RBFOX1: variants seen among roughly 807,000 people sequenced by gnomAD.
RBFOX1 encodes RNA binding fox-1 homolog 1.
In RBFOX1, 8 loss-of-function variants were observed where a neutral mutation model predicts 57.7. That is an observed-to-expected ratio of 0.14 (90% confidence interval 0.08 to 0.25). The LOEUF (loss-of-function observed/expected upper bound fraction) is 0.25, where lower values mean the gene tolerates loss of function less well. RBFOX1 is among the 10% of genes least tolerant of loss of function. The pLI is 1.00. For synonymous variants in RBFOX1, 326 were observed against 222.4 expected (o/e 1.47, Z -4.15); for missense variants, 611 against 548.5 (o/e 1.11, Z -1.14).
At chr16:6,689,683 T>A (rs1295291734) in intron 3 of RBFOX1, among the ~76,000 whole-genome samples, 2 of 152,176 alleles carry the variant, frequency 1.3e-5, no homozygotes, top group African/African-American at 4.8e-5. Context: ...CCTCTGGAAG[T>A]ACTTTGGTGA....
intron 3 of RBFOX1, among the ~76,000 whole-genome samples, chr16:6,853,513 T>C (rs2094181533): frequency 6.6e-6 from 1 of 152,076 alleles, no homozygotes; most frequent in Admixed American, 6.5e-5. Context: ...CCCTGTCTGC[T>C]TGGGACTCTG....
intron 4 of RBFOX1, among the ~76,000 whole-genome samples, chr16:7,104,615 T>C (rs1489432575): frequency 1.3e-5 from 2 of 152,290 alleles, no homozygotes; most frequent in South Asian, 2.1e-4. Flanking sequence ...TGCTGTGATA[T>C]TGCTAACTCC....
chr16:7,379,960 A>C (rs576667704), intron 4 of RBFOX1, among the ~76,000 whole-genome samples: 1 of 152,220 alleles, frequency 6.6e-6, no homozygotes, highest in East Asian at 1.9e-4. Context: ...GTTCAAGCAC[A>C]ATCCTCCTGC....
chr16:6,214,388 A>C (rs1212419269), intron 1 of RBFOX1, among the ~76,000 whole-genome samples: 1 of 146,778 alleles, frequency 6.8e-6, no homozygotes, highest in Admixed American at 6.8e-5. Context: ...TGAGAGTGAG[A>C]GGGAGAGGGA....
chr16:5,816,827 T>C (rs1313943317), intron 3 of RBFOX1, among the ~76,000 whole-genome samples: 1 of 152,132 alleles, frequency 6.6e-6, no homozygotes, highest in Non-Finnish European at 1.5e-5. Flanking sequence ...AAAAAGATGC[T>C]ATTCTGTCCT....
intron 4 of RBFOX1, among the ~76,000 whole-genome samples, chr16:7,347,626 C>T (rs902830312): frequency 1.3e-5 from 2 of 152,098 alleles, no homozygotes; most frequent in African/African-American, 4.8e-5. Flanking sequence ...TTGAAAAACC[C>T]CACTCTAGGC....
chr16:7,687,987 G>T (rs1386981877), intron 14 of RBFOX1, among the ~76,000 whole-genome samples: 2 of 151,910 alleles, frequency 1.3e-5, no homozygotes, highest in Non-Finnish European at 2.9e-5. Flanking sequence ...CCTGGTCATT[G>T]GTATTTTATT....
chr16:6,534,886 A>T (rs577756745), intron 2 of RBFOX1, among the ~76,000 whole-genome samples: 1 of 152,204 alleles, frequency 6.6e-6, no homozygotes, highest in Non-Finnish European at 1.5e-5. Flanking sequence ...GAAAAGTCCA[A>T]TGAGGCATAT....
At chr16:7,041,189 C>T (rs1361018021) in intron 3 of RBFOX1, among the ~76,000 whole-genome samples, 3 of 150,250 alleles carry the variant, frequency 2.0e-5, no homozygotes, top group African/African-American at 4.9e-5. Flanking sequence ...CCGCCTTGTC[C>T]TCCCAAAGTG....
intron 2 of RBFOX1, chr16:6,483,051 C>T: frequency 3.6e-6 from 3 of 823,166 alleles, no homozygotes; most frequent in Non-Finnish European, 4.4e-6. Context: ...CGGCGAGATA[C>T]CGCAGCCAGC....
intron 9 of RBFOX1, among the ~76,000 whole-genome samples, chr16:7,598,482 G>A (rs1366066638): frequency 1.3e-5 from 2 of 151,858 alleles, no homozygotes; most frequent in African/African-American, 4.8e-5. Context: ...TGCACATGGA[G>A]ATACGGATTT....
chr16:7,059,241 T>G lies in RBFOX1; in HGVS notation c.27+7143T>G, dbSNP rs551326700. On this transcript the variant is annotated intron_variant, in intron 4 of 15. Coordinates refer to ENST00000550418, the MANE Select transcript of RBFOX1 (RefSeq NM_018723.4). ...TTTTTAAAGCCCAGCTTTTCATTCC[T>G]TAGTGGCTCTTACGATAGCACGGAA... Among the ~76,000 whole-genome samples, 313 of 152,306 alleles carry G rather than the reference T, an allele frequency of 2.1e-3. 1 individual carries two copies. The highest frequency in any genetic ancestry group is 6.8e-3 in the African/African-American group (281 of 41,580).
rs1463825959 is a variant in RBFOX1 at position 6,856,078 on chromosome 16, A to G, written c.-15-195979A>G. Among the ~76,000 whole-genome samples the G allele has an allele frequency of 2.0e-5, 3 of 151,314 alleles. No homozygotes were observed. In the East Asian group the frequency reaches 5.8e-4, roughly 29 times the overall value. On this transcript the variant is annotated intron_variant, in intron 3 of 15. Coordinates refer to ENST00000550418, the MANE Select transcript of RBFOX1 (RefSeq NM_018723.4). The stretch of plus-strand genomic sequence containing the variant: ...TCTGGGTTAATGGACCTCAGTGAAG[A>G]TGAAATGAAGACCCTTCCCTTCCCT...
At chr16:6,976,295 C>T (rs952975743) in intron 3 of RBFOX1, among the ~76,000 whole-genome samples, 4 of 152,156 alleles carry the variant, frequency 2.6e-5, no homozygotes, top group Non-Finnish European at 4.4e-5. Context: ...AATTTGAACA[C>T]AGGCATTCTG....
intron 1 of RBFOX1, among the ~76,000 whole-genome samples, chr16:6,312,717 ATTCC>A (rs894884546): frequency 7.4e-5 from 6 of 80,740 alleles, no homozygotes; most frequent in East Asian, 3.3e-4. Flanking sequence ...TCCTTCCTCC[ATTCC>A]TTCCTTCCTT....
chr16:6,796,046 A>T (rs1019808367), intron 3 of RBFOX1, among the ~76,000 whole-genome samples: 1 of 152,094 alleles, frequency 6.6e-6, no homozygotes, highest in African/African-American at 2.4e-5. Flanking sequence ...GACATACCTG[A>T]GATTGGGCAA....
chr16:6,902,533 C>A (rs1444287519), intron 3 of RBFOX1, among the ~76,000 whole-genome samples: 2 of 152,082 alleles, frequency 1.3e-5, no homozygotes, highest in South Asian at 2.1e-4. Flanking sequence ...ACCAGCCTAA[C>A]CAACATGGTA....
chr16:6,559,575 A>G (rs1400725412), intron 2 of RBFOX1, among the ~76,000 whole-genome samples: 3 of 152,254 alleles, frequency 2.0e-5, no homozygotes, highest in East Asian at 3.9e-4. Flanking sequence ...TTGGAAGGAC[A>G]TTGGAAAATA....
chr16:5,732,345 CA>C (rs1348593159), intron 3 of RBFOX1, among the ~76,000 whole-genome samples: 3 of 152,112 alleles, frequency 2.0e-5, no homozygotes, highest in Non-Finnish European at 4.4e-5. Flanking sequence ...TTACAGTAAC[CA>C]ACAATGACTG....
Sources: gnomAD v4.1 joint callset for allele counts (sites outside exome capture counted in the v4.1 genomes callset) on GRCh38, gnomAD v4.1.1 for gene constraint, MANE v1.5 for transcripts, NCBI Gene and HGNC (gene_info 2026-07-23, HGNC 2026-07-21) for gene names.